SHPRH: variants seen among roughly 807,000 people sequenced by gnomAD.
SHPRH encodes the protein E3 ubiquitin-protein ligase SHPRH.
SHPRH carries 106 observed loss-of-function variants against 202.5 expected under a neutral mutation model. That is an observed-to-expected ratio of 0.52 (90% confidence interval 0.45 to 0.62). The LOEUF (loss-of-function observed/expected upper bound fraction) is 0.62. Ranked by LOEUF, SHPRH falls within the 20% of genes least tolerant of loss-of-function variation. The pLI, the probability that SHPRH is intolerant of heterozygous loss-of-function variation, is 0.00. For missense variants in SHPRH, 1,710 were observed against 2,020.0 expected, an observed-to-expected ratio of 0.85 and a Z score of 2.94; for synonymous variants, 729 against 686.0, an observed-to-expected ratio of 1.06 and a Z score of -0.98.
chr6:145,875,416 C>T (rs1780257033), intron 2 of SHPRH, among the ~76,000 whole-genome samples: 1 of 152,196 alleles, frequency 6.6e-6, no homozygotes, highest in Admixed American at 6.5e-5. Context: ...TGACTTAGGC[C>T]ATAGCCGTTC....
Position 145,935,301 on chromosome 6 carries a change from C to T in SHPRH, c.2710G>A (p.Ala904Thr), listed in dbSNP as rs1249832231. ...SFIAKILWRS[A>T]KKDVIDQIQI... ...ACTTGGTCAATCACATCTTTCTTTG[C>T]AGACCTCCACAGTATCTTGGCAATA... is the stretch of plus-strand genomic sequence containing the variant. Residue 904 changes from alanine (A) to threonine (T), a missense_variant, in exon 12 of 30, where the codon GCA becomes ACA. Ala to Thr is a moderately conservative substitution (Grantham distance 58). Coordinates refer to ENST00000275233, the MANE Select transcript of SHPRH (RefSeq NM_001042683.3). The T allele has an allele frequency of 8.7e-6, 14 of 1,613,956 alleles. No homozygotes were observed. In the South Asian group the frequency reaches 1.5e-4, roughly 18 times the overall value.
At position 145,922,673 on chromosome 6, in the gene SHPRH, G is replaced by A. The variant is rs1168295360; in HGVS notation, c.3709C>T (p.Pro1237Ser). Residue 1237 changes from proline (P) to serine (S), a missense_variant, in exon 19 of 30, where the codon CCT becomes TCT. Physicochemically the swap from Pro to Ser is moderately conservative, Grantham distance 74. Transcript: ENST00000275233. ...TCTTCTATTACCTACCAGTTGAGAG[G>A]AAGTCTGGCTGGTCGGAGGTGACAG... Reference protein sequence around the residue: ...TVCHLRPARLPLNCCVFCKAD... With the variant: ...TVCHLRPARLSLNCCVFCKAD... 3.1e-6 allele frequency: 5 copies of A among 1,603,410 alleles called. No homozygotes were observed. Among genetic ancestry groups the A allele is most frequent in the Non-Finnish European group, 4.3e-6 (5 of 1,175,900 alleles).
At chr6:145,922,864 A>G (rs770290551) in intron 18 of SHPRH, 28 bp from the exon 19 acceptor site, 27 of 1,535,502 alleles carry the variant, frequency 1.8e-5, no homozygotes, top group African/African-American at 1.4e-5. Context: ...ACCACACACA[A>G]TACAAAGAAA....
chr6:145,862,469 A>G (rs1396353704), downstream of SHPRH, among the ~76,000 whole-genome samples: 3 of 151,850 alleles, frequency 2.0e-5, no homozygotes, highest in Non-Finnish European at 4.4e-5. Flanking sequence ...AACAAAAAAC[A>G]AAAAGAAAAA....
intron 2 of SHPRH, among the ~76,000 whole-genome samples, chr6:145,867,599 A>AATATAT (rs374395571): frequency 0.028 from 602 of 21,470 alleles, 52 homozygotes; most frequent in Admixed American, 0.046. Flanking sequence ...TTCAAAAAAG[A>AATATAT]ATATATATAT....
rs1271963962 is a variant in SHPRH at position 145,943,804 on chromosome 6, T to C, written c.1579-2A>G. ...AATTTTCCTTGGACTCCCTACTGCC[T>C]ATGAAAAAAATATTTAATTAATTGA... On this transcript the variant is annotated splice_acceptor_variant, in intron 8 of 29. Coordinates refer to ENST00000275233, the MANE Select transcript of SHPRH (RefSeq NM_001042683.3). LOFTEE classifies it high-confidence loss of function. 6.4e-7 allele frequency: 1 copy of C among 1,553,256 alleles called. No individual in the cohort carries two copies. The highest frequency in any genetic ancestry group is 1.2e-5 in the South Asian group (1 of 80,472).
At chr6:145,952,609 T>C (rs1365589712) in intron 2 of SHPRH, 131 bp from the exon 3 acceptor site, 4 of 717,588 alleles carry the variant, frequency 5.6e-6, no homozygotes, top group Admixed American at 3.8e-5. Flanking sequence ...AAACAATAAA[T>C]ACATGCCTAC....
chr6:145,936,485 C>T lies in SHPRH; in HGVS notation c.2570-1044G>A, dbSNP rs146022965. On this transcript the variant is annotated intron_variant, in intron 11 of 29. Transcript: ENST00000275233. ...GAGATCATAGGTGTGTGCCACCATGCCTGGCTAATTTTTTTATTTTCTGTA... is the reference window on the plus strand; with the variant it reads ...GAGATCATAGGTGTGTGCCACCATGTCTGGCTAATTTTTTTATTTTCTGTA... Among the ~76,000 whole-genome samples, 304 of 151,826 alleles carry T rather than the reference C, an allele frequency of 2.0e-3. 1 individual carries two copies. Among genetic ancestry groups the T allele is most frequent in the African/African-American group, 7.1e-3 (292 of 41,408 alleles).
Position 145,935,442 on chromosome 6 carries a change from C to T in SHPRH, c.2570-1G>A. On this transcript the variant is annotated splice_acceptor_variant, in intron 11 of 29. Transcript: ENST00000275233. LOFTEE classifies it high-confidence loss of function. ...AGAAAGACCACTAACCCAAAAAGAT[C>T]TGAAAAGAAAAAATAAAATACATTG... 1 of 1,612,242 alleles carries T rather than the reference C, an allele frequency of 6.2e-7. No individual in the cohort carries two copies. The highest frequency in any genetic ancestry group is 8.5e-7 in the Non-Finnish European group (1 of 1,179,494).
At chr6:145,858,537 T>C in the SHPRH span, among the ~76,000 whole-genome samples, 2 of 151,894 alleles carry the variant, frequency 1.3e-5, no homozygotes, top group Non-Finnish European at 2.9e-5. Context: ...AAAAAGCAGA[T>C]CTGGTTGGGA....
chr6:145,921,974 T>G lies in SHPRH; in HGVS notation c.3782+312A>C, dbSNP rs185193538. Among the ~76,000 whole-genome samples the G allele has an allele frequency of 1.4e-4, 21 of 152,194 alleles. No homozygotes were observed. The East Asian group carries it at 3.9e-3, about 28-fold the overall frequency. ...CGGACATTATGAGTTCTACCTTGAA[T>G]AGCAGTAAAATGCTAGCAAAATCTG... On this transcript the variant is annotated intron_variant, in intron 20 of 29. Coordinates refer to ENST00000275233, the MANE Select transcript of SHPRH (RefSeq NM_001042683.3).
At chr6:145,865,209 C>T (rs981969187) in intron 2 of SHPRH, among the ~76,000 whole-genome samples, 2 of 152,060 alleles carry the variant, frequency 1.3e-5, no homozygotes, top group East Asian at 3.9e-4. Context: ...GTCCTAACCC[C>T]TAATGTTATG....
intron 2 of SHPRH, among the ~76,000 whole-genome samples, chr6:145,953,875 T>C (rs1333380885): frequency 4.6e-5 from 7 of 151,974 alleles, no homozygotes; most frequent in African/African-American, 1.4e-4. Flanking sequence ...ATTACAAATT[T>C]ATTCATTCAT....
At chr6:145,873,096 G>A (rs2265476) in intron 2 of SHPRH, among the ~76,000 whole-genome samples, 257 of 152,262 alleles carry the variant, frequency 1.7e-3, no homozygotes, top group Non-Finnish European at 2.7e-3. Flanking sequence ...TGGGTGATAG[G>A]ATGATCTGTG....
intron 3 of SHPRH, 24 bp downstream of exon 3, chr6:145,952,325 T>G (rs773710609): frequency 6.4e-7 from 1 of 1,567,062 alleles, no homozygotes; most frequent in East Asian, 2.3e-5. Context: ...TAATAGCAAT[T>G]TTTAAGTTTA....
chr6:145,955,745 G>A (rs1191617850), intron 1 of SHPRH, among the ~76,000 whole-genome samples: 1 of 151,898 alleles, frequency 6.6e-6, no homozygotes, highest in Non-Finnish European at 1.5e-5. Context: ...CAACACAAAT[G>A]TCTGGCATCA....
chr6:145,863,539 G>A (rs1583241880), downstream of SHPRH, among the ~76,000 whole-genome samples: 1 of 152,194 alleles, frequency 6.6e-6, no homozygotes, highest in South Asian at 2.1e-4. Context: ...TTAAGACAAA[G>A]AGGAAGGAGA....
At chr6:145,952,175 A>T (rs1479110384) in intron 3 of SHPRH, among the ~76,000 whole-genome samples, 174 bp downstream of exon 3, 1 of 152,116 alleles carries the variant, frequency 6.6e-6, no homozygotes, top group African/African-American at 2.4e-5. Flanking sequence ...GAGTTAACCA[A>T]AGAAACAAAT....
chr6:145,932,964 TCC>T, intron 14 of SHPRH, 91 bp downstream of exon 14: 2 of 1,150,354 alleles, frequency 1.7e-6, no homozygotes, highest in African/African-American at 1.5e-5. Flanking sequence ...GGGGGAAAAA[TCC>T]CCCCCCCAAA....
Sources: gnomAD v4.1 joint callset for allele counts (sites outside exome capture counted in the v4.1 genomes callset) on GRCh38, gnomAD v4.1.1 for gene constraint, MANE v1.5 for transcripts, NCBI Gene and HGNC (gene_info 2026-07-23, HGNC 2026-07-21) for gene names.